FBXL20: variants seen among roughly 807,000 people sequenced by gnomAD.
FBXL20 encodes F-box/LRR-repeat protein 20.
In FBXL20, 11 loss-of-function variants were observed where a neutral mutation model predicts 64.0. The observed-to-expected ratio is 0.17, with a 90% CI of 0.11 to 0.28. FBXL20 has a LOEUF of 0.28. Ranked by LOEUF, FBXL20 falls within the 10% of genes least tolerant of loss-of-function variation. The pLI is 1.00. For missense variants in FBXL20, 303 were observed against 526.2 expected (o/e 0.58, Z 4.15); for synonymous variants, 184 against 189.0 (o/e 0.97, Z 0.22).
At chr17:39,344,351 C>CA (rs143333496) in intron 1 of FBXL20, among the ~76,000 whole-genome samples, 2,057 of 96,946 alleles carry the variant, frequency 0.021, 17 homozygotes, top group Middle Eastern at 0.033. Flanking sequence ...AACCCCTCTC[C>CA]AAAAAAAAAA....
At chr17:39,299,509 C>T (rs910469262) in intron 4 of FBXL20, among the ~76,000 whole-genome samples, 2 of 152,120 alleles carry the variant, frequency 1.3e-5, no homozygotes, top group Admixed American at 6.5e-5. Context: ...GGGCCAGGCA[C>T]GGTGGCCCAC....
intron 1 of FBXL20, among the ~76,000 whole-genome samples, chr17:39,359,606 A>G (rs78016448): frequency 1.4e-5 from 2 of 146,194 alleles, no homozygotes; most frequent in South Asian, 2.1e-4. Context: ...TCCATCTTGG[A>G]AAAAAAAAAA....
intron 2 of FBXL20, among the ~76,000 whole-genome samples, chr17:39,305,831 C>A (rs948420475): frequency 6.6e-6 from 1 of 151,790 alleles, no homozygotes; most frequent in Admixed American, 6.6e-5. Context: ...ACTAAAAATA[C>A]AAAATTAGCC....
chr17:39,333,014 G>T (rs2047477493), intron 2 of FBXL20, among the ~76,000 whole-genome samples: 1 of 151,082 alleles, frequency 6.6e-6, no homozygotes, highest in African/African-American at 2.4e-5. Flanking sequence ...TGTTACCCAG[G>T]CTGGTCTCTA....
At chr17:39,330,362 C>T (rs189388244) in intron 2 of FBXL20, among the ~76,000 whole-genome samples, 1 of 151,766 alleles carries the variant, frequency 6.6e-6, no homozygotes, top group African/African-American at 2.4e-5. Context: ...GCCTGTAATC[C>T]CAGCACTTTG....
intron 1 of FBXL20, among the ~76,000 whole-genome samples, chr17:39,398,705 C>G (rs1230926102): frequency 2.0e-5 from 3 of 151,718 alleles, no homozygotes; most frequent in Non-Finnish European, 4.4e-5. Context: ...CGGAATCTCT[C>G]GCTCTGTCGC....
chr17:39,278,205 G>A (rs2046916560), intron 9 of FBXL20, among the ~76,000 whole-genome samples: 1 of 152,174 alleles, frequency 6.6e-6, no homozygotes, highest in African/African-American at 2.4e-5. Context: ...GAGTGCAGTG[G>A]CGTGCTCTTG....
Position 39,317,382 on chromosome 17 carries a change from C to T in FBXL20, c.105-13743G>A, listed in dbSNP as rs560437616. ...GAGTAGCTGGGATTACAGGCATGTG[C>T]CACCATGCCTGGCTAATTTTTATAT... On this transcript the variant is annotated intron_variant, in intron 2 of 14. Coordinates refer to ENST00000264658, the MANE Select transcript of FBXL20 (RefSeq NM_032875.3). Among the ~76,000 whole-genome samples, 3 of 152,144 alleles carry T rather than the reference C, an allele frequency of 2.0e-5. No individual in the cohort carries two copies. The East Asian group carries it at 5.8e-4, about 30-fold the overall frequency.
chr17:39,332,536 C>CA (rs2047471839), intron 2 of FBXL20, among the ~76,000 whole-genome samples: 1 of 96,964 alleles, frequency 1.0e-5, no homozygotes, highest in Non-Finnish European at 1.9e-5. Flanking sequence ...TTCTTTGTAT[C>CA]TTTTTTTTTT....
chr17:39,399,309 G>A (rs1219070412), intron 1 of FBXL20, among the ~76,000 whole-genome samples: 1 of 152,152 alleles, frequency 6.6e-6, no homozygotes, highest in Non-Finnish European at 1.5e-5. Flanking sequence ...TGATGTAAAT[G>A]TTTAGATCTG....
At chr17:39,364,579 C>T (rs1178064953) in intron 1 of FBXL20, among the ~76,000 whole-genome samples, 1 of 152,096 alleles carries the variant, frequency 6.6e-6, no homozygotes, top group Non-Finnish European at 1.5e-5. Context: ...CACTGCACTC[C>T]AGCCTGGGAG....
chr17:39,315,393 T>TTTTATATATATA (rs147050998), intron 2 of FBXL20, among the ~76,000 whole-genome samples: 62 of 134,550 alleles, frequency 4.6e-4, no homozygotes, highest in Admixed American at 6.7e-4. Flanking sequence ...TTTAAATAAT[T>TTTTATATATATA]TATATATATA....
At chr17:39,361,521 G>A (rs2047793513) in intron 1 of FBXL20, among the ~76,000 whole-genome samples, 1 of 152,192 alleles carries the variant, frequency 6.6e-6, no homozygotes, top group Admixed American at 6.6e-5. Context: ...TTTTTGGTCA[G>A]GCAGGGTGGC....
intron 10 of FBXL20, among the ~76,000 whole-genome samples, chr17:39,272,404 T>A (rs1426376949): frequency 6.3e-4 from 89 of 142,286 alleles, no homozygotes; most frequent in African/African-American, 2.2e-3. Context: ...AAAAAAAAAT[T>A]TTTTTTTTAA....
intron 1 of FBXL20, among the ~76,000 whole-genome samples, chr17:39,374,502 G>C (rs8079303): frequency 0.37 from 55,962 of 151,448 alleles, 12,994 homozygotes; most frequent in African/African-American, 0.66. Context: ...GAATGCACCA[G>C]TGCACTCCAG....
chr17:39,368,392 T>TA (rs1025727959), intron 1 of FBXL20, among the ~76,000 whole-genome samples: 1 of 151,984 alleles, frequency 6.6e-6, no homozygotes, highest in South Asian at 2.1e-4. Flanking sequence ...ACCTTGTCTC[T>TA]AAAAAAACTT....
chr17:39,255,714 A>G lies in FBXL20; in HGVS notation c.*5746T>C, dbSNP rs1446457425. On this transcript the variant is annotated 3_prime_UTR_variant, in exon 15 of 15. Transcript: ENST00000264658. ...CAAATTTTGCCGGGCGTGGTGGCAC[A>G]GGCTGTAATTCCAGCTACTCGGGAG... 1 of 151,812 alleles carries G rather than the reference A, an allele frequency of 6.6e-6. No individual in the cohort carries two copies. The highest frequency in any genetic ancestry group is 2.4e-5 in the African/African-American group (1 of 41,324). 9.4% of individuals were successfully genotyped at this position (151,812 alleles called of 1,614,324 possible).
At chr17:39,298,088 T>C (rs967972477) in intron 5 of FBXL20, among the ~76,000 whole-genome samples, 5 of 151,998 alleles carry the variant, frequency 3.3e-5, no homozygotes, top group Admixed American at 3.3e-4. Context: ...AAAATTATTT[T>C]AAATTAAAAA....
intron 9 of FBXL20, among the ~76,000 whole-genome samples, chr17:39,280,438 G>A (rs1049828328): frequency 6.6e-5 from 10 of 150,438 alleles, no homozygotes; most frequent in Admixed American, 6.0e-4. Context: ...TGGGTGTGGC[G>A]TGTAATCCCA....
Sources: allele counts gnomAD v4.1 joint callset (sites outside exome capture counted in the v4.1 genomes callset), GRCh38; gene constraint gnomAD v4.1.1; transcripts MANE v1.5; gene names NCBI Gene and HGNC (gene_info 2026-07-23, HGNC 2026-07-21).